Variants in MEGF9 observed in about 807,000 individuals in gnomAD.
MEGF9 encodes multiple EGF like domains 9, also known as multiple epidermal growth factor-like domains protein 9.
In MEGF9, 6 loss-of-function variants were observed where a neutral mutation model predicts 46.8. The observed-to-expected ratio is 0.13, with a 90% CI of 0.07 to 0.25. The LOEUF (loss-of-function observed/expected upper bound fraction) is 0.25. MEGF9 is among the 10% of genes least tolerant of loss of function. The pLI is 1.00. For missense variants in MEGF9, 683 were observed against 792.4 expected (o/e 0.86, Z 1.66); for synonymous variants, 302 against 330.7 (o/e 0.91, Z 0.94).
chr9:120,674,884 T>G (rs574399254), intron 1 of MEGF9, among the ~76,000 whole-genome samples: 1,607 of 149,558 alleles, frequency 0.011, 33 homozygotes, highest in African/African-American at 0.034. Flanking sequence ...GTTTCTATTT[T>G]TTTTTTTTTT....
chr9:120,701,966 C>A (rs2043907325), intron 1 of MEGF9, among the ~76,000 whole-genome samples: 1 of 151,992 alleles, frequency 6.6e-6, no homozygotes, highest in Non-Finnish European at 1.5e-5. Context: ...TAGCGTGAAC[C>A]CGGGAGGCGG....
At chr9:120,663,375 T>G (rs2043711101) in intron 1 of MEGF9, among the ~76,000 whole-genome samples, 1 of 152,220 alleles carries the variant, frequency 6.6e-6, no homozygotes, top group South Asian at 2.1e-4. Flanking sequence ...ATTTGTTAGC[T>G]TGTAAGTAAA....
chr9:120,703,669 A>G (rs10984985), intron 1 of MEGF9, among the ~76,000 whole-genome samples: 2,862 of 152,324 alleles, frequency 0.019, 238 homozygotes, highest in East Asian at 0.13. Flanking sequence ...TAGCAGGTTA[A>G]GATAATTCCA....
rs2043818200 is a variant in MEGF9 at position 120,685,561 on chromosome 9, T to G, written c.602-25986A>C. ...AATTTGCCAATTCTTTCTACTTCACTTCTGATTTCATACATCCCATTCACT... is the reference window on the plus strand; with the variant it reads ...AATTTGCCAATTCTTTCTACTTCACGTCTGATTTCATACATCCCATTCACT... On this transcript the variant is annotated intron_variant, in intron 1 of 5. Coordinates refer to ENST00000373930, the MANE Select transcript of MEGF9 (RefSeq NM_001080497.3). 3.9e-5 allele frequency among the ~76,000 whole-genome samples: 6 copies of G among 152,232 alleles called. No individual in the cohort carries two copies. The South Asian group carries it at 1.2e-3, about 32-fold the overall frequency.
chr9:120,713,627 T>G lies in MEGF9; in HGVS notation c.601+131A>C, dbSNP rs566140833. 49 of 1,192,060 alleles carry G rather than the reference T, an allele frequency of 4.1e-5. No homozygotes were observed. In the African/African-American group the frequency reaches 7.6e-4, roughly 18 times the overall value. The allele number at this position is 1,192,060 out of a possible 1,614,324, so 73.8% of individuals were successfully genotyped here. On this transcript the variant is annotated intron_variant, in intron 1 of 5. Transcript: ENST00000373930. ...GGAGGGAGACTAGCTGGACCTGGGA[T>G]CCCCCCTCGGGAGCCGGAACCTGGG...
chr9:120,659,825 T>G (rs952123002), intron 1 of MEGF9, among the ~76,000 whole-genome samples: 2 of 148,884 alleles, frequency 1.3e-5, no homozygotes, highest in Non-Finnish European at 3.0e-5. Context: ...GTGTGTATTA[T>G]TAGTTTTTCT....
At chr9:120,697,791 C>T (rs890210655) in intron 1 of MEGF9, among the ~76,000 whole-genome samples, 1 of 152,032 alleles carries the variant, frequency 6.6e-6, no homozygotes, top group East Asian at 1.9e-4. Flanking sequence ...CTACTGAAAG[C>T]GAACCTGGAT....
At chr9:120,644,530 A>C (rs1273420115) in intron 2 of MEGF9, among the ~76,000 whole-genome samples, 9 of 152,226 alleles carry the variant, frequency 5.9e-5, no homozygotes. Flanking sequence ...GGTTCGGCCA[A>C]CCAATTAACA....
intron 3 of MEGF9, 100 bp from the exon 4 acceptor site, chr9:120,612,639 AAAAC>A: frequency 9.4e-7 from 1 of 1,058,914 alleles, no homozygotes; most frequent in Non-Finnish European, 1.3e-6. Context: ...AAGAAAAAGA[AAAAC>A]TAATAGGGAT....
rs567806623 is a variant in MEGF9, at chr9:120,637,231, C to T, written c.804-14476G>A. ...AACAGATGCTTGAAGGCAGCATGCT[C>T]GTTAAGAGTCATCACCACTCCCTAA... On this transcript the variant is annotated intron_variant, in intron 2 of 5. Transcript: ENST00000373930. Among the ~76,000 whole-genome samples, 1,326 of 152,134 alleles carry T rather than the reference C, an allele frequency of 8.7e-3. 12 individuals are homozygous for T. Among genetic ancestry groups the T allele is most frequent in the Non-Finnish European group, 0.014 (946 of 67,992 alleles).
chr9:120,692,673 G>T (rs925169613), intron 1 of MEGF9, among the ~76,000 whole-genome samples: 2 of 152,012 alleles, frequency 1.3e-5, no homozygotes, highest in Non-Finnish European at 2.9e-5. Context: ...CCACCTTCAT[G>T]TACCTTTTCC....
intron 2 of MEGF9, among the ~76,000 whole-genome samples, chr9:120,645,077 G>C (rs1171641038): frequency 6.6e-6 from 1 of 152,174 alleles, no homozygotes; most frequent in African/African-American, 2.4e-5. Flanking sequence ...AGTTACATAA[G>C]TATAGCATGA....
chr9:120,712,716 T>C (rs2043959320), intron 1 of MEGF9, among the ~76,000 whole-genome samples: 1 of 152,184 alleles, frequency 6.6e-6, no homozygotes. Context: ...CCACAGTAAA[T>C]CACTAAGCCT....
chr9:120,705,928 C>T (rs1437607560), intron 1 of MEGF9, among the ~76,000 whole-genome samples: 1 of 150,458 alleles, frequency 6.6e-6, no homozygotes, highest in East Asian at 1.9e-4. Flanking sequence ...TAAAAAAAAC[C>T]ACACAAAAAT....
chr9:120,635,685 C>A (rs374416931), intron 2 of MEGF9, among the ~76,000 whole-genome samples: 2 of 151,780 alleles, frequency 1.3e-5, no homozygotes, highest in East Asian at 3.9e-4. Flanking sequence ...TTTATGATTT[C>A]TATCTCTGTT....
chr9:120,667,254 C>G (rs1486395025), intron 1 of MEGF9, among the ~76,000 whole-genome samples: 1 of 152,112 alleles, frequency 6.6e-6, no homozygotes, highest in Non-Finnish European at 1.5e-5. Flanking sequence ...TTTAAGATAG[C>G]AGGAAGTTAT....
At chr9:120,677,385 A>G (rs1427209357) in intron 1 of MEGF9, among the ~76,000 whole-genome samples, 1 of 152,096 alleles carries the variant, frequency 6.6e-6, no homozygotes, top group Non-Finnish European at 1.5e-5. Context: ...CGCCCACCTC[A>G]GCCCCCAAAG....
At chr9:120,659,304 T>C in intron 2 of MEGF9, 70 bp downstream of exon 2, 1 of 1,367,956 alleles carries the variant, frequency 7.3e-7, no homozygotes, top group Non-Finnish European at 1.0e-6. Context: ...GTATGGTCCT[T>C]GAGAGTAGCA....
chr9:120,687,763 G>C (rs2043829835), intron 1 of MEGF9, among the ~76,000 whole-genome samples: 4 of 145,626 alleles, frequency 2.7e-5, no homozygotes, highest in Admixed American at 2.7e-4. Context: ...CATCTGGGTA[G>C]GGAAGAAAGA....
Sources: gnomAD v4.1 joint callset for allele counts (sites outside exome capture counted in the v4.1 genomes callset) on GRCh38, gnomAD v4.1.1 for gene constraint, MANE v1.5 for transcripts, NCBI Gene and HGNC (gene_info 2026-07-23, HGNC 2026-07-21) for gene names.